The following PIP5K1B variants were observed in gnomAD, a reference collection of about 807,000 sequenced individuals.
PIP5K1B encodes phosphatidylinositol-4-phosphate 5-kinase type 1 beta, also known as phosphatidylinositol 4-phosphate 5-kinase type-1 beta.
A neutral mutation model predicts 67.0 loss-of-function variants in PIP5K1B; 42 were observed. That is an observed-to-expected ratio of 0.63 (90% confidence interval 0.49 to 0.81). The LOEUF (loss-of-function observed/expected upper bound fraction) is 0.81, where lower values mean the gene tolerates loss of function less well. Ranked by LOEUF, PIP5K1B falls within the 30% of genes least tolerant of loss-of-function variation. PIP5K1B has a pLI of 0.00. For synonymous variants in PIP5K1B, 214 were observed against 231.4 expected, an observed-to-expected ratio of 0.92 and a Z score of 0.68; for missense variants, 459 against 646.3, an observed-to-expected ratio of 0.71 and a Z score of 3.14.
intron 14 of PIP5K1B, among the ~76,000 whole-genome samples, chr9:68,946,414 T>A (rs1827806038): frequency 6.6e-6 from 1 of 151,996 alleles, no homozygotes; most frequent in Non-Finnish European, 1.5e-5. Context: ...GTTTTTTTTT[T>A]GAGACAGAGT....
intron 8 of PIP5K1B, among the ~76,000 whole-genome samples, chr9:68,910,345 T>A (rs1265850006): frequency 1.3e-5 from 2 of 152,212 alleles, no homozygotes; most frequent in Non-Finnish European, 2.9e-5. Flanking sequence ...TAGGCTTTTA[T>A]CTTTATTTTT....
At chr9:68,843,515 T>G (rs1822027290) in intron 4 of PIP5K1B, among the ~76,000 whole-genome samples, 1 of 152,208 alleles carries the variant, frequency 6.6e-6, no homozygotes, top group Non-Finnish European at 1.5e-5. Context: ...TCATGCTTAT[T>G]GTGTAGGGCT....
chr9:68,737,233 A>G (rs998524129), intron 1 of PIP5K1B, among the ~76,000 whole-genome samples: 1 of 152,100 alleles, frequency 6.6e-6, no homozygotes, highest in African/African-American at 2.4e-5. Flanking sequence ...ATGACATTTT[A>G]TTGGTGTGTT....
chr9:68,896,542 G>T (rs576609489), intron 8 of PIP5K1B, among the ~76,000 whole-genome samples: 116 of 152,330 alleles, frequency 7.6e-4, no homozygotes, highest in African/African-American at 2.6e-3. Context: ...GGTCAAGGTA[G>T]AGGTATCCTG....
rs540577964 is a variant in PIP5K1B, at chr9:68,757,460, G to A, written c.-86+14803G>A. On this transcript the variant is annotated intron_variant, in intron 2 of 15. Transcript: ENST00000265382. ...GTTTATCGTGACTGAAGAGAACTAG[G>A]GGGCTTCATTATGTTAAAAAAAAGA... 8.5e-5 allele frequency among the ~76,000 whole-genome samples: 13 copies of A among 152,080 alleles called. 1 individual carries two copies. Among genetic ancestry groups the A allele is most frequent in the Middle Eastern group, 3.4e-3 (1 of 294 alleles).
At chr9:68,720,564 T>C (rs570585464) in intron 1 of PIP5K1B, among the ~76,000 whole-genome samples, 4 of 152,200 alleles carry the variant, frequency 2.6e-5, no homozygotes, top group Non-Finnish European at 5.9e-5. Flanking sequence ...CATCTCTGTC[T>C]CTGTGCAGCT....
At chr9:68,880,831 C>T (rs1824166645) in intron 6 of PIP5K1B, among the ~76,000 whole-genome samples, 1 of 152,170 alleles carries the variant, frequency 6.6e-6, no homozygotes, top group Non-Finnish European at 1.5e-5. Flanking sequence ...CCCACCTGTG[C>T]CTGCACTGGG....
In PIP5K1B at chr9:68,981,472, G is replaced by C. The variant is rs866794456; in HGVS notation, c.1503-9668G>C. Among the ~76,000 whole-genome samples the C allele has an allele frequency of 4.0e-5, 6 of 151,040 alleles. No individual in the cohort carries two copies. The Middle Eastern group carries it at 0.017, about 428-fold the overall frequency. Reference sequence around the variant, plus strand: ...GGGCTGCTGCCCCTAGGGAATGGCGGAGGGTGGGGGTGGGGAGGGCAGGAG... The same window carrying C: ...GGGCTGCTGCCCCTAGGGAATGGCGCAGGGTGGGGGTGGGGAGGGCAGGAG... On this transcript the variant is annotated intron_variant, in intron 14 of 15. Coordinates refer to ENST00000265382, the MANE Select transcript of PIP5K1B (RefSeq NM_003558.4).
chr9:68,803,479 A>C (rs1344666534), intron 2 of PIP5K1B, among the ~76,000 whole-genome samples: 1 of 152,250 alleles, frequency 6.6e-6, no homozygotes, highest in East Asian at 1.9e-4. Context: ...CCCAAGAAAA[A>C]GTGTTCAGAG....
At chr9:68,912,992 AC>A (rs2132493032) in intron 8 of PIP5K1B, among the ~76,000 whole-genome samples, 1 of 152,318 alleles carries the variant, frequency 6.6e-6, no homozygotes, top group Non-Finnish European at 1.5e-5. Flanking sequence ...CATTTCAAGA[AC>A]AGGTAGTTTT....
chr9:68,737,775 A>G (rs946435840), intron 1 of PIP5K1B, among the ~76,000 whole-genome samples: 1 of 152,230 alleles, frequency 6.6e-6, no homozygotes, highest in African/African-American at 2.4e-5. Flanking sequence ...CTGAACTATC[A>G]TCATATAAAT....
At chr9:68,811,287 C>G (rs1344039241) in intron 2 of PIP5K1B, among the ~76,000 whole-genome samples, 1 of 152,136 alleles carries the variant, frequency 6.6e-6, no homozygotes, top group African/African-American at 2.4e-5. Context: ...TATGGCCCAT[C>G]ATTGGGTCGT....
intron 5 of PIP5K1B, among the ~76,000 whole-genome samples, chr9:68,867,271 C>A (rs1242839314): frequency 5.9e-5 from 9 of 152,236 alleles, no homozygotes; most frequent in Admixed American, 5.9e-4. Flanking sequence ...CCCACGCCAC[C>A]CTGGCAGGTG....
At chr9:68,892,310 G>A (rs973562324) in intron 7 of PIP5K1B, among the ~76,000 whole-genome samples, 2 of 152,152 alleles carry the variant, frequency 1.3e-5, no homozygotes, top group Admixed American at 1.3e-4. Flanking sequence ...AAGATTGTAA[G>A]AATGGAGAAA....
At chr9:68,974,938 G>A (rs1004212791) in intron 14 of PIP5K1B, among the ~76,000 whole-genome samples, 3 of 152,216 alleles carry the variant, frequency 2.0e-5, no homozygotes, top group African/African-American at 4.8e-5. Flanking sequence ...TTGACATGGT[G>A]ACAACCTGAG....
intron 6 of PIP5K1B, among the ~76,000 whole-genome samples, chr9:68,885,560 C>T (rs1824424305): frequency 6.6e-6 from 1 of 152,146 alleles, no homozygotes; most frequent in South Asian, 2.1e-4. Flanking sequence ...ATACCCAATA[C>T]ATATATACAA....
chr9:68,827,251 A>G (rs1437420208), intron 4 of PIP5K1B, among the ~76,000 whole-genome samples: 2 of 152,142 alleles, frequency 1.3e-5, no homozygotes, highest in African/African-American at 4.8e-5. Flanking sequence ...GGCTGGCTCT[A>G]AATGACAGCT....
intron 14 of PIP5K1B, among the ~76,000 whole-genome samples, chr9:68,959,075 A>G (rs1263369063): frequency 6.6e-6 from 1 of 152,236 alleles, no homozygotes; most frequent in Non-Finnish European, 1.5e-5. Flanking sequence ...AATGACAGAA[A>G]TAATTGTGAA....
intron 2 of PIP5K1B, among the ~76,000 whole-genome samples, chr9:68,749,970 C>T (rs1193643137): frequency 1.3e-5 from 2 of 152,222 alleles, no homozygotes; most frequent in African/African-American, 4.8e-5. Context: ...GCAAGTTAGG[C>T]ACCCTCTCTG....
Sources: allele counts gnomAD v4.1 joint callset (sites outside exome capture counted in the v4.1 genomes callset), GRCh38; gene constraint gnomAD v4.1.1; transcripts MANE v1.5; gene names NCBI Gene and HGNC (gene_info 2026-07-23, HGNC 2026-07-21).